Variants in CCDC186 observed in about 807,000 individuals in gnomAD.
The protein encoded by CCDC186 is coiled-coil domain containing 186.
CCDC186 carries 49 observed loss-of-function variants against 113.7 expected under a neutral mutation model. The observed-to-expected ratio is 0.43, with a 90% CI of 0.34 to 0.55. The LOEUF (loss-of-function observed/expected upper bound fraction) is 0.55, where lower values mean the gene tolerates loss of function less well. CCDC186 is among the 20% of genes least tolerant of loss of function. The pLI is 0.02. For missense variants in CCDC186, 890 were observed against 1,011.1 expected (o/e 0.88, Z 1.62); for synonymous variants, 355 against 345.8 (o/e 1.03, Z -0.30).
chr10:114,143,502 T>C (rs1275783788), intron 6 of CCDC186, among the ~76,000 whole-genome samples: 5 of 152,204 alleles, frequency 3.3e-5, no homozygotes, highest in Non-Finnish European at 7.3e-5. Context: ...CCAGAGACTG[T>C]CATCCTCCTC....
chr10:114,138,346 T>G (rs142044414), intron 6 of CCDC186, among the ~76,000 whole-genome samples: 1 of 141,436 alleles, frequency 7.1e-6, no homozygotes, highest in Non-Finnish European at 1.5e-5. Flanking sequence ...CAGGCTTGAG[T>G]ACAGTGGTGT....
intron 2 of CCDC186, among the ~76,000 whole-genome samples, chr10:114,158,529 AATT>A (rs1174601611): frequency 6.6e-6 from 1 of 152,030 alleles, no homozygotes; most frequent in Admixed American, 6.6e-5. Context: ...AAGTCTATGA[AATT>A]ATTATCATTA....
chr10:114,166,651 C>T lies in CCDC186; in HGVS notation c.-61-3322G>A, dbSNP rs115460176. 6.1e-3 allele frequency among the ~76,000 whole-genome samples: 923 copies of T among 152,292 alleles called. 6 individuals are homozygous for T. The highest frequency in any genetic ancestry group is 0.021 in the African/African-American group (863 of 41,556). Reference sequence around the variant, plus strand: ...AAACATATTCTCTACTACATTTACACGCATTTTTGCAAATGCTCTTCAGTG... The same window carrying T: ...AAACATATTCTCTACTACATTTACATGCATTTTTGCAAATGCTCTTCAGTG... On this transcript the variant is annotated intron_variant, in intron 1 of 15. Coordinates refer to ENST00000369287, the MANE Select transcript of CCDC186 (RefSeq NM_018017.4).
chr10:114,134,897 G>T lies in CCDC186; in HGVS notation c.1655+16C>A. 6.3e-7 allele frequency: 1 copy of T among 1,594,700 alleles called. No homozygotes were observed. Among genetic ancestry groups the T allele is most frequent in the Non-Finnish European group, 8.5e-7 (1 of 1,174,218 alleles). The stretch of plus-strand genomic sequence containing the variant: ...AGCTTGCTTATTAATACAAACAGAA[G>T]TTGCTCATTTTGTACCTTTGAAGCT... On this transcript the variant is annotated intron_variant, in intron 10 of 15. Coordinates refer to ENST00000369287, the MANE Select transcript of CCDC186 (RefSeq NM_018017.4).
chr10:114,132,106 G>T lies in CCDC186; in HGVS notation c.1734C>A (p.Ile578=), dbSNP rs756313578. ...NSLINDLQKD[I]EGSRKRESEL... The stretch of plus-strand genomic sequence containing the variant: ...CAGATTCTCTTTTCCTACTGCCTTC[G>T]ATGTCTTTTTGTAGGTCATTAATCA... Residue 578 remains isoleucine, a synonymous_variant, in exon 11 of 16, where the codon ATC becomes ATA. Coordinates refer to ENST00000369287, the MANE Select transcript of CCDC186 (RefSeq NM_018017.4). 1.9e-6 allele frequency: 3 copies of T among 1,613,020 alleles called. No homozygotes were observed. The highest frequency in any genetic ancestry group is 2.7e-5 in the African/African-American group (2 of 74,854).
In CCDC186 at chr10:114,164,065, A is replaced by AGTGTGTGTGTGTGTGTGTGT. The variant is rs747232906; in HGVS notation, c.-61-756_-61-737dup. ...AACTTTATTAATTTGACCAAGTTAG[A>AGTGTGTGTGTGTGTGTGTGT]GTGTGTGTGTGTGTGTGTGTGTGTG... is the stretch of plus-strand genomic sequence containing the variant. On this transcript the variant is annotated intron_variant, in intron 1 of 15. Transcript: ENST00000369287. 1.6e-3 allele frequency among the ~76,000 whole-genome samples: 168 copies of AGTGTGTGTGTGTGTGTGTGT among 107,030 alleles called. 1 individual carries two copies. Among genetic ancestry groups the AGTGTGTGTGTGTGTGTGTGT allele is most frequent in the Non-Finnish European group, 2.3e-3 (128 of 56,496 alleles). The allele number at this position is 107,030 out of a possible 152,430, so 70.2% of individuals were successfully genotyped here.
At chr10:114,139,477 C>A (rs529414866) in intron 6 of CCDC186, among the ~76,000 whole-genome samples, 2 of 151,318 alleles carry the variant, frequency 1.3e-5, no homozygotes, top group Non-Finnish European at 2.9e-5. Context: ...GCAGAAGAAT[C>A]GCTTGACCCT....
intron 14 of CCDC186, among the ~76,000 whole-genome samples, chr10:114,127,034 C>G (rs2030927267): frequency 6.6e-6 from 1 of 151,898 alleles, no homozygotes; most frequent in South Asian, 2.1e-4. Flanking sequence ...TGTAAGCAAT[C>G]AATGAGATAC....
At chr10:114,167,373 G>A (rs1464603335) in intron 1 of CCDC186, among the ~76,000 whole-genome samples, 1 of 152,084 alleles carries the variant, frequency 6.6e-6, no homozygotes, top group Non-Finnish European at 1.5e-5. Flanking sequence ...GTGTATATAC[G>A]TAACAAAGCC....
chr10:114,135,004 A>G lies in CCDC186; in HGVS notation c.1564T>C (p.Tyr522His), dbSNP rs1457391829. 1.9e-6 allele frequency: 3 copies of G among 1,611,780 alleles called. No individual in the cohort carries two copies. The highest frequency in any genetic ancestry group is 2.5e-6 in the Non-Finnish European group (3 of 1,179,350). Residue 522 changes from tyrosine to histidine, a missense_variant, in exon 10 of 16, where the codon TAT becomes CAT. Tyr to His is a moderately conservative substitution (Grantham distance 83, BLOSUM62 2). Coordinates refer to ENST00000369287, the MANE Select transcript of CCDC186 (RefSeq NM_018017.4). ...TTTTGGCGATTAATAATTTCCTTAT[A>G]TTTTGATAATTCATCTTCTGTTCTT... ...RLRTEDELSK[Y>H]KEIINRQKAE...
rs533289682 is a variant in CCDC186 at position 114,167,521 on chromosome 10, G to A, written c.-61-4192C>T. Among the ~76,000 whole-genome samples, 4 of 152,158 alleles carry A rather than the reference G, an allele frequency of 2.6e-5. No homozygotes were observed. In the South Asian group the frequency reaches 8.3e-4, roughly 32 times the overall value. ...CCTCCAGTTGACAATACTGATACAAGCCAATTTGGTTGCTGTCCAAGCTTT... is the reference window on the plus strand; with the variant it reads ...CCTCCAGTTGACAATACTGATACAAACCAATTTGGTTGCTGTCCAAGCTTT... On this transcript the variant is annotated intron_variant, in intron 1 of 15. Transcript: ENST00000369287.
chr10:114,146,738 T>C (rs888308646), intron 4 of CCDC186, among the ~76,000 whole-genome samples: 2 of 152,238 alleles, frequency 1.3e-5, no homozygotes, highest in African/African-American at 4.8e-5. Flanking sequence ...CTTCAAACTT[T>C]AGGAATTTTC....
chr10:114,151,365 T>A, intron 3 of CCDC186, 145 bp from the exon 4 acceptor site: 1 of 673,796 alleles, frequency 1.5e-6, no homozygotes, highest in Non-Finnish European at 2.3e-6. Flanking sequence ...TTAGCAATGT[T>A]TCTATATCTC....
chr10:114,141,252 CT>C (rs879561373), intron 6 of CCDC186, among the ~76,000 whole-genome samples: 1 of 152,096 alleles, frequency 6.6e-6, no homozygotes, highest in Non-Finnish European at 1.5e-5. Context: ...TTTCCTGCCT[CT>C]TTGCATGCCT....
At position 114,132,109 on chromosome 10, in the gene CCDC186, G is replaced by A; in HGVS notation, c.1731C>T (p.Asp577=). ...ATTCTCTTTTCCTACTGCCTTCGAT[G>A]TCTTTTTGTAGGTCATTAATCAAAG... ...LNSLINDLQK[D]IEGSRKRESE... The change falls in exon 11 of 16, where the codon GAC becomes GAT. Residue 577 remains aspartate, a synonymous_variant. Transcript: ENST00000369287. The A allele has an allele frequency of 6.2e-7, 1 of 1,613,144 alleles. No individual in the cohort carries two copies. Among genetic ancestry groups the A allele is most frequent in the Non-Finnish European group, 8.5e-7 (1 of 1,179,606 alleles).
intron 9 of CCDC186, 24 bp from the exon 10 acceptor site, chr10:114,135,079 T>C: frequency 6.3e-7 from 1 of 1,588,006 alleles, no homozygotes; most frequent in Non-Finnish European, 8.5e-7. Flanking sequence ...ACAACCAAGT[T>C]ACAAACCATG....
intron 1 of CCDC186, among the ~76,000 whole-genome samples, chr10:114,167,930 G>A (rs758137203): frequency 3.3e-5 from 5 of 151,868 alleles, no homozygotes; most frequent in Middle Eastern, 3.4e-3. Flanking sequence ...AAGCTGCAAT[G>A]AGCTATGATG....
chr10:114,136,011 A>C (rs1284331334), intron 8 of CCDC186, 34 bp from the exon 9 acceptor site: 1 of 1,572,096 alleles, frequency 6.4e-7, no homozygotes, highest in East Asian at 2.2e-5. Flanking sequence ...AACAAATCAT[A>C]ATGTGCTAAA....
At chr10:114,153,760 T>C (rs1409079675) in intron 3 of CCDC186, among the ~76,000 whole-genome samples, 1 of 136,228 alleles carries the variant, frequency 7.3e-6, no homozygotes, top group Non-Finnish European at 1.5e-5. Flanking sequence ...CACTCCGGTC[T>C]GGGTGACAAG....
Sources: gnomAD v4.1 joint callset for allele counts (sites outside exome capture counted in the v4.1 genomes callset) on GRCh38, gnomAD v4.1.1 for gene constraint, MANE v1.5 for transcripts, NCBI Gene and HGNC (gene_info 2026-07-23, HGNC 2026-07-21) for gene names.